B3GALT9: variants seen among roughly 807,000 people sequenced by gnomAD.
B3GALT9 encodes UDP-GlcNAc:betaGal beta-1,3-N-acetylglucosaminyltransferase 10 (putative).
rs114178182 is a variant in B3GALT9, at chr9:120,796,178, C to T, written c.-181-245C>T. 3.2e-3 allele frequency among the ~76,000 whole-genome samples: 488 copies of T among 152,192 alleles called. 2 individuals are homozygous for T. Among genetic ancestry groups the T allele is most frequent in the African/African-American group, 0.011 (452 of 41,496 alleles). Reference sequence around the variant, plus strand: ...AGGCATTACTCCAGCTGTTTGGTTTCTTGAGATGCACTCCAAAAAAAAGTA... The same window carrying T: ...AGGCATTACTCCAGCTGTTTGGTTTTTTGAGATGCACTCCAAAAAAAAGTA... On this transcript the variant is annotated intron_variant, in intron 1 of 2. Transcript: ENST00000689072.
rs566489888 is a variant in B3GALT9 at position 120,799,199 on chromosome 9, A to G, written c.631A>G (p.Arg211Gly). ...ACACCTAGAAGATATCTATGTAGGA[A>G]GAGTTCTTCATCAGGTTACACCCAA... Reference protein sequence around the residue: ...KEHLEDIYVGRVLHQVTPNRD... With the variant: ...KEHLEDIYVGGVLHQVTPNRD... The change falls in exon 3 of 3, where the codon AGA becomes GGA. Residue 211 changes from arginine to glycine, a missense_variant. Transcript: ENST00000689072. 2.5e-6 allele frequency: 1 copy of G among 399,038 alleles called. No homozygotes were observed. The highest frequency in any genetic ancestry group is 1.3e-4 in the South Asian group (1 of 7,860). The allele number at this position is 399,038 out of a possible 1,614,324, so 24.7% of individuals were successfully genotyped here. A position where few individuals can be genotyped will look rare whatever the true frequency, so the allele number is the denominator to read the frequency against.
rs1287442081 is a variant in B3GALT9 at position 120,800,218 on chromosome 9, A to G, written c.*540A>G. ...CTGCAACCTCTGCCTCCCAGGTTAA[A>G]GCAATTCTCCTGCCTCAGCCTCCCA... On this transcript the variant is annotated 3_prime_UTR_variant, in exon 3 of 3. Coordinates refer to ENST00000689072, the MANE Select transcript of B3GALT9 (RefSeq NM_001386823.1). 6.6e-6 allele frequency among the ~76,000 whole-genome samples: 1 copy of G among 152,004 alleles called. No individual in the cohort carries two copies. Among genetic ancestry groups the G allele is most frequent in the East Asian group, 1.9e-4 (1 of 5,184 alleles).
chr9:120,795,522 A>G (rs894309452), intron 1 of B3GALT9, among the ~76,000 whole-genome samples: 4 of 152,242 alleles, frequency 2.6e-5, no homozygotes, highest in Non-Finnish European at 5.9e-5. Flanking sequence ...CAGAATATGT[A>G]AAAATTCCCT....
chr9:120,796,829 A>C (rs1588059085), intron 2 of B3GALT9, among the ~76,000 whole-genome samples: 1 of 151,032 alleles, frequency 6.6e-6, no homozygotes, highest in Non-Finnish European at 1.5e-5. Context: ...GGCCGAGGCA[A>C]GCGGATCACC....
chr9:120,793,698 A>C lies in B3GALT9; in HGVS notation c.-406A>C, dbSNP rs2044908287. ...CACCAGCTCTGCAGTAGTTTTTCTT[A>C]TTATCCTCATTTTACGGAGGAGAGG... On this transcript the variant is annotated 5_prime_UTR_variant, in exon 1 of 3. Transcript: ENST00000689072. 2.5e-6 allele frequency: 1 copy of C among 398,576 alleles called. No homozygotes were observed. Among genetic ancestry groups the C allele is most frequent in the African/African-American group, 2.1e-5 (1 of 48,636 alleles). 24.7% of individuals were successfully genotyped at this position (398,576 alleles called of 1,614,324 possible).
In B3GALT9 at chr9:120,793,487, G is replaced by C. The variant is rs1588057574; in HGVS notation, c.-617G>C. ...CGGCTGCACTTCCGGTCCCCGCCCG[G>C]AGGTGGGTGGTGGGAGGCTGGAGGC... On this transcript the variant is annotated 5_prime_UTR_variant, in exon 1 of 3. Coordinates refer to ENST00000689072, the MANE Select transcript of B3GALT9 (RefSeq NM_001386823.1). The C allele has an allele frequency of 5.0e-6, 2 of 399,310 alleles. No individual in the cohort carries two copies. The highest frequency in any genetic ancestry group is 3.6e-5 in the East Asian group (1 of 28,050). 24.7% of individuals were successfully genotyped at this position (399,310 alleles called of 1,614,324 possible). A position where few individuals can be genotyped will look rare whatever the true frequency, so the allele number is the denominator to read the frequency against.
intron 1 of B3GALT9, among the ~76,000 whole-genome samples, chr9:120,795,998 A>G (rs982537598): frequency 6.6e-6 from 1 of 152,212 alleles, no homozygotes; most frequent in African/African-American, 2.4e-5. Flanking sequence ...AAGTGCTTGC[A>G]TAGCCAATAC....
chr9:120,797,214 C>A (rs7873274), intron 2 of B3GALT9, among the ~76,000 whole-genome samples: 3 of 151,974 alleles, frequency 2.0e-5, no homozygotes, highest in Non-Finnish European at 4.4e-5. Context: ...TGGTTAAGAG[C>A]GAGCTTTGGG....
intron 2 of B3GALT9, among the ~76,000 whole-genome samples, chr9:120,797,254 C>T (rs904667725): frequency 6.6e-6 from 1 of 150,684 alleles, no homozygotes; most frequent in Non-Finnish European, 1.5e-5. Context: ...ACCTGTAATC[C>T]CAGCACTTTG....
chr9:120,800,860 T>A lies in B3GALT9; in HGVS notation c.*1182T>A, dbSNP rs993669314. Among the ~76,000 whole-genome samples, 3 of 152,230 alleles carry A rather than the reference T, an allele frequency of 2.0e-5. No homozygotes were observed. The highest frequency in any genetic ancestry group is 4.8e-5 in the African/African-American group (2 of 41,470). The stretch of plus-strand genomic sequence containing the variant: ...ACAAAAATGTTGGATCTCTTGGCCA[T>A]ATCTGCCAAGTTTTCCCAACCCCCA... On this transcript the variant is annotated 3_prime_UTR_variant, in exon 3 of 3. Transcript: ENST00000689072.
At position 120,800,554 on chromosome 9, in the gene B3GALT9, C is replaced by T. The variant is rs575007154; in HGVS notation, c.*876C>T. Among the ~76,000 whole-genome samples the T allele has an allele frequency of 6.6e-6, 1 of 151,972 alleles. No individual in the cohort carries two copies. The highest frequency in any genetic ancestry group is 1.5e-5 in the Non-Finnish European group (1 of 67,996). On this transcript the variant is annotated 3_prime_UTR_variant, in exon 3 of 3. Coordinates refer to ENST00000689072, the MANE Select transcript of B3GALT9 (RefSeq NM_001386823.1). ...TGTTGGGATTATAGGTGTGAGGAAC[C>T]GTACCTGGCCAGTACACAATTCATT...
chr9:120,798,655 G>A lies in B3GALT9; in HGVS notation c.87G>A (p.Gly29=), dbSNP rs1403215293. 2 of 399,242 alleles carry A rather than the reference G, an allele frequency of 5.0e-6. No individual in the cohort carries two copies. Among genetic ancestry groups the A allele is most frequent in the South Asian group, 2.5e-4 (2 of 7,850 alleles). The allele number at this position is 399,242 out of a possible 1,614,324, so 24.7% of individuals were successfully genotyped here. The change falls in exon 3 of 3, where the codon GGG becomes GGA. Residue 29 remains glycine (G), a synonymous_variant. Coordinates refer to ENST00000689072, the MANE Select transcript of B3GALT9 (RefSeq NM_001386823.1). ...TCCTATTTCATGCCTTGCTTTTTGGGACTGACTTTGTGGAGGAATACTTTC... is the reference window on the plus strand; with the variant it reads ...TCCTATTTCATGCCTTGCTTTTTGGAACTGACTTTGTGGAGGAATACTTTC... ...NVILFHALLF[G]TDFVEEYFLH...
chr9:120,798,352 T>C (rs2044951850), intron 2 of B3GALT9, among the ~76,000 whole-genome samples: 1 of 152,244 alleles, frequency 6.6e-6, no homozygotes, highest in South Asian at 2.1e-4. Context: ...CAGTGTTCAC[T>C]TTGTGCCAAA....
chr9:120,794,222 A>G (rs997911690), intron 1 of B3GALT9, among the ~76,000 whole-genome samples: 34 of 152,206 alleles, frequency 2.2e-4, no homozygotes, highest in African/African-American at 7.7e-4. Flanking sequence ...AACTATTATT[A>G]GGCCCCTTTT....
In B3GALT9 at chr9:120,800,998, G is replaced by A. The variant is rs773037658; in HGVS notation, c.*1320G>A. ...TCCTTCAATGCCTGGTTTATTTCAT[G>A]TAACATAATGCACTCCAGGTTCATC... is the stretch of plus-strand genomic sequence containing the variant. On this transcript the variant is annotated 3_prime_UTR_variant, in exon 3 of 3. Coordinates refer to ENST00000689072, the MANE Select transcript of B3GALT9 (RefSeq NM_001386823.1). Among the ~76,000 whole-genome samples the A allele has an allele frequency of 2.0e-5, 3 of 152,186 alleles. No individual in the cohort carries two copies. Among genetic ancestry groups the A allele is most frequent in the Non-Finnish European group, 4.4e-5 (3 of 68,036 alleles).
At position 120,800,936 on chromosome 9, in the gene B3GALT9, T is replaced by C. The variant is rs906260312; in HGVS notation, c.*1258T>C. Among the ~76,000 whole-genome samples the C allele has an allele frequency of 3.9e-5, 6 of 152,252 alleles. No individual in the cohort carries two copies. In the South Asian group the frequency reaches 1.2e-3, roughly 32 times the overall value. On this transcript the variant is annotated 3_prime_UTR_variant, in exon 3 of 3. Coordinates refer to ENST00000689072, the MANE Select transcript of B3GALT9 (RefSeq NM_001386823.1). ...CTGTTTCTATGAATTTGAGTTTTTT[T>C]ACACTCCACATATAAGTGAGCTCAT...
Position 120,800,307 on chromosome 9 carries a change from C to T in B3GALT9, c.*629C>T, listed in dbSNP as rs980870995. 6.6e-5 allele frequency among the ~76,000 whole-genome samples: 10 copies of T among 151,510 alleles called. No individual in the cohort carries two copies. The highest frequency in any genetic ancestry group is 1.7e-4 in the African/African-American group (7 of 41,216). ...TAATTTTTGGTATTTTTAGTAGAGG[C>T]GGGGTTTCACCATGTTGGCCAGGCT... On this transcript the variant is annotated 3_prime_UTR_variant, in exon 3 of 3. Transcript: ENST00000689072.
In B3GALT9 at chr9:120,799,774, C is replaced by T. The variant is rs2044959798; in HGVS notation, c.*96C>T. On this transcript the variant is annotated 3_prime_UTR_variant, in exon 3 of 3. Coordinates refer to ENST00000689072, the MANE Select transcript of B3GALT9 (RefSeq NM_001386823.1). Reference sequence around the variant, plus strand: ...TTCTTTCCCATGTTTTATGTAGGTTCTCTGAATCTTTAATTTTATTTGCAA... The same window carrying T: ...TTCTTTCCCATGTTTTATGTAGGTTTTCTGAATCTTTAATTTTATTTGCAA... 5.0e-6 allele frequency: 2 copies of T among 397,196 alleles called. No homozygotes were observed. Among genetic ancestry groups the T allele is most frequent in the Admixed American group, 4.4e-5 (1 of 22,702 alleles). The allele number at this position is 397,196 out of a possible 1,614,324, so 24.6% of individuals were successfully genotyped here. A position where few individuals can be genotyped will look rare whatever the true frequency, so the allele number is the denominator to read the frequency against.
rs962829821 is a variant in B3GALT9, at chr9:120,799,143, G to A, written c.575G>A (p.Ser192Asn). ...VDEETFVNLP[S>N]LVDYLLNLKE... Reference sequence around the variant, plus strand: ...GAAGAGACGTTTGTCAATCTACCAAGCTTGGTAGACTATCTTCTCAATCTG... The same window carrying A: ...GAAGAGACGTTTGTCAATCTACCAAACTTGGTAGACTATCTTCTCAATCTG... Residue 192 changes from serine (S) to asparagine (N), a missense_variant, in exon 3 of 3, where the codon AGC becomes AAC. By Grantham distance (46) the Ser-to-Asn change is conservative. Transcript: ENST00000689072. 2.5e-6 allele frequency: 1 copy of A among 398,814 alleles called. No individual in the cohort carries two copies. The highest frequency in any genetic ancestry group is 2.1e-5 in the African/African-American group (1 of 48,510). 24.7% of individuals were successfully genotyped at this position (398,814 alleles called of 1,614,324 possible). A position where few individuals can be genotyped will look rare whatever the true frequency, so the allele number is the denominator to read the frequency against.
Sources: allele counts gnomAD v4.1 joint callset (sites outside exome capture counted in the v4.1 genomes callset), GRCh38; gene constraint gnomAD v4.1.1; transcripts MANE v1.5; gene names NCBI Gene and HGNC (gene_info 2026-07-23, HGNC 2026-07-21).